The following NAALADL2 variants were observed in gnomAD, a reference collection of about 807,000 sequenced individuals.
NAALADL2 encodes N-acetylated alpha-linked acidic dipeptidase like 2, also known as inactive N-acetylated-alpha-linked acidic dipeptidase-like protein 2.
NAALADL2 carries 76 observed loss-of-function variants against 87.2 expected under a neutral mutation model. The observed-to-expected ratio is 0.87, with a 90% CI of 0.72 to 1.05. The LOEUF (loss-of-function observed/expected upper bound fraction) is 1.05, where lower values mean the gene tolerates loss of function less well. Ranked by LOEUF, NAALADL2 falls within the 50% of genes least tolerant of loss-of-function variation. The probability of loss-of-function intolerance (pLI) is 0.00; values close to 1 mark genes in which losing one functional copy is unlikely to be tolerated. For synonymous variants in NAALADL2, 354 were observed against 331.0 expected (o/e 1.07, Z -0.75); for missense variants, 1,089 against 945.8 (o/e 1.15, Z -1.99).
At chr3:175,203,138 G>C (rs1330623768) in intron 2 of NAALADL2, among the ~76,000 whole-genome samples, 2 of 152,188 alleles carry the variant, frequency 1.3e-5, no homozygotes, top group Admixed American at 1.3e-4. Context: ...CTGAGGTCTG[G>C]TCAGGAGGCT....
chr3:175,323,494 T>TA (rs1158823047), intron 4 of NAALADL2, among the ~76,000 whole-genome samples: 23 of 150,782 alleles, frequency 1.5e-4, no homozygotes, highest in South Asian at 1.0e-3. Flanking sequence ...ATAATAATAA[T>TA]AAAAAAAAGA....
At chr3:174,776,608 A>G (rs1166796240) in intron 3 of NAALADL2, among the ~76,000 whole-genome samples, 1 of 152,162 alleles carries the variant, frequency 6.6e-6, no homozygotes, top group Non-Finnish European at 1.5e-5. Flanking sequence ...CTACATATTC[A>G]TAATTTGGGA....
At chr3:174,683,975 C>A (rs1361686846) in intron 2 of NAALADL2, among the ~76,000 whole-genome samples, 1 of 151,740 alleles carries the variant, frequency 6.6e-6, no homozygotes, top group African/African-American at 2.4e-5. Flanking sequence ...TTTAATTTAA[C>A]TTTTATTAGT....
intron 1 of NAALADL2, among the ~76,000 whole-genome samples, chr3:175,018,779 G>A (rs1206104705): frequency 2.0e-5 from 3 of 152,028 alleles, no homozygotes; most frequent in Non-Finnish European, 2.9e-5. Context: ...CTGCAAAAGA[G>A]CATGCAAAGT....
At chr3:175,381,074 AAT>A (rs761334808) in intron 5 of NAALADL2, among the ~76,000 whole-genome samples, 2 of 151,976 alleles carry the variant, frequency 1.3e-5, no homozygotes, top group South Asian at 4.1e-4. Context: ...ACAACCTGAA[AAT>A]ATATTTTATT....
At chr3:174,929,378 A>T (rs1393478136) in intron 1 of NAALADL2, among the ~76,000 whole-genome samples, 1 of 152,168 alleles carries the variant, frequency 6.6e-6, no homozygotes, top group Non-Finnish European at 1.5e-5. Flanking sequence ...ACAGCCAGTA[A>T]AAGTGCTCTG....
chr3:174,586,881 C>T (rs1716783743), intron 2 of NAALADL2, among the ~76,000 whole-genome samples: 1 of 151,940 alleles, frequency 6.6e-6, no homozygotes, highest in Non-Finnish European at 1.5e-5. Flanking sequence ...ATGTGCACAA[C>T]ATGCAGGTTT....
At chr3:175,559,748 T>G (rs756323748) in intron 9 of NAALADL2, among the ~76,000 whole-genome samples, 3 of 152,268 alleles carry the variant, frequency 2.0e-5, no homozygotes, top group Non-Finnish European at 2.9e-5. Flanking sequence ...TCGACTGATT[T>G]GCATATGTTG....
At chr3:174,542,785 T>G (rs2108470406) in intron 1 of NAALADL2, among the ~76,000 whole-genome samples, 1 of 152,282 alleles carries the variant, frequency 6.6e-6, no homozygotes, top group East Asian at 1.9e-4. Flanking sequence ...AACTACATAT[T>G]GCCTTCAGCA....
chr3:175,276,138 A>C (rs1753554984), intron 4 of NAALADL2, among the ~76,000 whole-genome samples: 2 of 82,086 alleles, frequency 2.4e-5, no homozygotes, highest in Non-Finnish European at 4.8e-5. Context: ...GAACATCATG[A>C]AGTAAAAAAA....
intron 2 of NAALADL2, among the ~76,000 whole-genome samples, chr3:174,720,018 T>C (rs1381778133): frequency 6.6e-6 from 1 of 151,918 alleles, no homozygotes; most frequent in African/African-American, 2.4e-5. Context: ...GCCAGGATGG[T>C]CTCGCTCTCT....
Position 174,958,565 on chromosome 3 carries a change from G to A in NAALADL2, c.43+99115G>A, listed in dbSNP as rs185072426. On this transcript the variant is annotated intron_variant, in intron 1 of 13. Transcript: ENST00000454872. The stretch of plus-strand genomic sequence containing the variant: ...GGAGTGATTCAATAACTGATTACAC[G>A]TGCAGTTCAAATCTCTGTTTTAGTT... Among the ~76,000 whole-genome samples, 402 of 152,106 alleles carry A rather than the reference G, an allele frequency of 2.6e-3. 1 individual carries two copies. The highest frequency in any genetic ancestry group is 9.2e-3 in the African/African-American group (384 of 41,536).
At chr3:175,249,506 A>G (rs949716857) in intron 3 of NAALADL2, among the ~76,000 whole-genome samples, 2 of 152,086 alleles carry the variant, frequency 1.3e-5, no homozygotes, top group Admixed American at 1.3e-4. Context: ...CTGATGATAG[A>G]TATTTTTATT....
chr3:175,766,434 T>G (rs1223679698), intron 13 of NAALADL2, among the ~76,000 whole-genome samples: 1 of 152,092 alleles, frequency 6.6e-6, no homozygotes, highest in African/African-American at 2.4e-5. Context: ...CTCTAATCAA[T>G]TAAGTAAGAA....
intron 1 of NAALADL2, among the ~76,000 whole-genome samples, chr3:174,482,836 A>G (rs956780790): frequency 2.6e-5 from 4 of 152,082 alleles, no homozygotes; most frequent in African/African-American, 9.7e-5. Context: ...TATGGAACAC[A>G]TGTTCATGCT....
chr3:175,555,081 T>C (rs1380413916), intron 9 of NAALADL2, among the ~76,000 whole-genome samples: 1 of 152,198 alleles, frequency 6.6e-6, no homozygotes, highest in Non-Finnish European at 1.5e-5. Flanking sequence ...GTCTACTTTC[T>C]ATGAGCCAAG....
At chr3:175,059,631 G>GT in intron 1 of NAALADL2, 1 of 360,430 alleles carries the variant, frequency 2.8e-6, no homozygotes, top group Non-Finnish European at 5.3e-6. Context: ...ACAAGTGCAT[G>GT]TTTTTTGGCT....
chr3:174,587,039 T>A (rs1436297248), intron 2 of NAALADL2, among the ~76,000 whole-genome samples: 1 of 145,686 alleles, frequency 6.9e-6, no homozygotes, highest in East Asian at 2.2e-4. Flanking sequence ...CGTGTCCAAG[T>A]GTTCTCATTG....
intron 1 of NAALADL2, among the ~76,000 whole-genome samples, chr3:175,022,316 G>T (rs1311048276): frequency 1.3e-5 from 2 of 151,964 alleles, no homozygotes; most frequent in African/African-American, 2.4e-5. Context: ...ACTATTACGG[G>T]ATATTGCTGG....
Sources: gnomAD v4.1 joint callset for allele counts (sites outside exome capture counted in the v4.1 genomes callset) on GRCh38, gnomAD v4.1.1 for gene constraint, MANE v1.5 for transcripts, NCBI Gene and HGNC (gene_info 2026-07-23, HGNC 2026-07-21) for gene names.